AJAP1: variants seen among roughly 807,000 people sequenced by gnomAD.
The protein encoded by AJAP1 is adherens junctions associated protein 1.
A neutral mutation model predicts 35.0 loss-of-function variants in AJAP1; 5 were observed. The observed-to-expected ratio is 0.14, with a 90% CI of 0.07 to 0.30. The LOEUF (loss-of-function observed/expected upper bound fraction) is 0.30. Among genes scored for constraint, AJAP1 ranks in the 10% least tolerant of loss-of-function variants. The pLI, the probability that AJAP1 is intolerant of heterozygous loss-of-function variation, is 1.00. For synonymous variants in AJAP1, 284 were observed against 249.3 expected, an observed-to-expected ratio of 1.14 and a Z score of -1.31; for missense variants, 586 against 571.0, an observed-to-expected ratio of 1.03 and a Z score of -0.27.
At chr1:4,669,144 A>G (rs1446492047) in intron 1 of AJAP1, among the ~76,000 whole-genome samples, 2 of 152,228 alleles carry the variant, frequency 1.3e-5, no homozygotes, top group African/African-American at 2.4e-5. Flanking sequence ...TTGTGCAACC[A>G]TCACCATTCT....
chr1:4,719,021 C>A (rs1261804368), intron 2 of AJAP1, among the ~76,000 whole-genome samples: 5 of 152,180 alleles, frequency 3.3e-5, no homozygotes, highest in African/African-American at 7.2e-5. Flanking sequence ...CCTTTCCTTA[C>A]ATCATGAATG....
intron 2 of AJAP1, among the ~76,000 whole-genome samples, chr1:4,751,543 T>G (rs544823658): frequency 9.8e-5 from 15 of 152,322 alleles, no homozygotes; most frequent in Admixed American, 7.2e-4. Flanking sequence ...TGGCTGCTGC[T>G]TCTCTGGAGA....
intron 1 of AJAP1, among the ~76,000 whole-genome samples, chr1:4,687,433 G>A (rs957561298): frequency 6.6e-6 from 1 of 152,208 alleles, no homozygotes; most frequent in Admixed American, 6.5e-5. Context: ...CATGCTCAGC[G>A]TGAGGTCAAG....
chr1:4,695,153 A>G (rs1639829360), intron 1 of AJAP1, among the ~76,000 whole-genome samples: 1 of 152,042 alleles, frequency 6.6e-6, no homozygotes, highest in African/African-American at 2.4e-5. Context: ...TACCCTCCCT[A>G]CAGGGAGTGG....
At chr1:4,752,072 G>A (rs1302452071) in intron 2 of AJAP1, among the ~76,000 whole-genome samples, 6 of 152,014 alleles carry the variant, frequency 3.9e-5, no homozygotes, top group Non-Finnish European at 2.9e-5. Flanking sequence ...TCAGGTGGGC[G>A]GAGGAAGTGC....
At chr1:4,763,715 C>G (rs534461912) in intron 2 of AJAP1, among the ~76,000 whole-genome samples, 2 of 151,690 alleles carry the variant, frequency 1.3e-5, no homozygotes, top group East Asian at 3.9e-4. Flanking sequence ...CTCCCTCTCC[C>G]TCCCTCCTCT....
At chr1:4,672,914 G>C (rs1639279501) in intron 1 of AJAP1, among the ~76,000 whole-genome samples, 1 of 152,248 alleles carries the variant, frequency 6.6e-6, no homozygotes, top group East Asian at 1.9e-4. Context: ...AGAGGAGATA[G>C]AGATGAGGGC....
intron 4 of AJAP1, among the ~76,000 whole-genome samples, chr1:4,773,862 G>A (rs1426364269): frequency 6.6e-6 from 1 of 152,224 alleles, no homozygotes; most frequent in East Asian, 1.9e-4. Context: ...GGGGTGGGGG[G>A]CTGTCCAAGA....
chr1:4,704,619 G>C (rs541629051), intron 1 of AJAP1, among the ~76,000 whole-genome samples: 1 of 148,572 alleles, frequency 6.7e-6, no homozygotes, highest in Non-Finnish European at 1.5e-5. Flanking sequence ...ATAAACATAC[G>C]TGTGCATGTG....
intron 1 of AJAP1, among the ~76,000 whole-genome samples, chr1:4,699,788 T>A (rs1458082415): frequency 6.6e-6 from 1 of 152,198 alleles, no homozygotes; most frequent in African/African-American, 2.4e-5. Flanking sequence ...ACACAGCTAC[T>A]ATTTCTGTGT....
chr1:4,711,645 T>A (rs1264954402), intron 1 of AJAP1, among the ~76,000 whole-genome samples: 1 of 152,184 alleles, frequency 6.6e-6, no homozygotes, highest in East Asian at 1.9e-4. Context: ...GCTCTGTGCC[T>A]GGCAGGCGCC....
intron 1 of AJAP1, among the ~76,000 whole-genome samples, chr1:4,677,380 G>A (rs1334770513): frequency 3.9e-5 from 6 of 152,228 alleles, no homozygotes; most frequent in South Asian, 2.1e-4. Context: ...CTGATTCCAC[G>A]AATAGAGAGG....
chr1:4,785,684 C>T lies in AJAP1; in HGVS notation c.*3199C>T, dbSNP rs568184704. On this transcript the variant is annotated 3_prime_UTR_variant, in exon 6 of 6. Transcript: ENST00000378191. ...CAAGCTAGTTGGTGTCCTCTTTCCT[C>T]TGCTTGACCCCTGGAATTCAGAGTC... 6.6e-6 allele frequency: 1 copy of T among 152,306 alleles called. No homozygotes were observed. The highest frequency in any genetic ancestry group is 2.1e-4 in the South Asian group (1 of 4,822). The allele number at this position is 152,306 out of a possible 1,614,324, so 9.4% of individuals were successfully genotyped here.
At chr1:4,741,897 G>C (rs773682990) in intron 2 of AJAP1, among the ~76,000 whole-genome samples, 9 of 152,224 alleles carry the variant, frequency 5.9e-5, no homozygotes, top group Non-Finnish European at 1.0e-4. Context: ...GCCCAAAGGG[G>C]CTCCCACTGG....
At chr1:4,766,322 T>A (rs1641682933) in intron 2 of AJAP1, among the ~76,000 whole-genome samples, 1 of 152,224 alleles carries the variant, frequency 6.6e-6, no homozygotes, top group Non-Finnish European at 1.5e-5. Flanking sequence ...TTTGTCTACC[T>A]GGGATCCACA....
At chr1:4,717,029 T>C (rs1640408417) in intron 2 of AJAP1, among the ~76,000 whole-genome samples, 1 of 152,168 alleles carries the variant, frequency 6.6e-6, no homozygotes, top group Non-Finnish European at 1.5e-5. Context: ...GGGTCAGAAG[T>C]TAGCTTGAGG....
At chr1:4,733,980 C>CGAGGT (rs1234670424) in intron 2 of AJAP1, among the ~76,000 whole-genome samples, 1 of 152,184 alleles carries the variant, frequency 6.6e-6, no homozygotes, top group Non-Finnish European at 1.5e-5. Context: ...GCGGTTCACG[C>CGAGGT]GAGGTGTGTG....
chr1:4,663,103 C>G (rs1410511494), intron 1 of AJAP1, among the ~76,000 whole-genome samples: 1 of 152,170 alleles, frequency 6.6e-6, no homozygotes, highest in Admixed American at 6.5e-5. Flanking sequence ...GGAGCATCAT[C>G]TAGTGAGGGC....
At chr1:4,669,011 G>C (rs1372105159) in intron 1 of AJAP1, among the ~76,000 whole-genome samples, 1 of 152,160 alleles carries the variant, frequency 6.6e-6, no homozygotes, top group Non-Finnish European at 1.5e-5. Context: ...TCAGACAACA[G>C]GAAGGAGTCA....
Sources: allele counts gnomAD v4.1 joint callset (sites outside exome capture counted in the v4.1 genomes callset), GRCh38; gene constraint gnomAD v4.1.1; transcripts MANE v1.5; gene names NCBI Gene and HGNC (gene_info 2026-07-23, HGNC 2026-07-21).